DAG1: variants seen among roughly 807,000 people sequenced by gnomAD.
The protein encoded by DAG1 is dystroglycan 1.
In DAG1, 8 loss-of-function variants were observed where a neutral mutation model predicts 46.1. The ratio of observed to expected loss-of-function variants is 0.17; its 90% CI spans 0.10 to 0.31. DAG1 has a LOEUF of 0.31. Among genes scored for constraint, DAG1 ranks in the 10% least tolerant of loss-of-function variants. DAG1 has a pLI of 1.00. For synonymous variants in DAG1, 495 were observed against 481.8 expected (o/e 1.03, Z -0.36); for missense variants, 1,003 against 1,189.9 (o/e 0.84, Z 2.31).
chr3:49,522,123 G>A (rs1309935777), intron 2 of DAG1, among the ~76,000 whole-genome samples: 5 of 151,830 alleles, frequency 3.3e-5, no homozygotes, highest in Non-Finnish European at 1.5e-5. Flanking sequence ...TCCGCCTCCC[G>A]GGTTCAAGCA....
chr3:49,516,617 G>A (rs2050904412), intron 2 of DAG1, among the ~76,000 whole-genome samples: 4 of 152,160 alleles, frequency 2.6e-5, no homozygotes, highest in Admixed American at 1.3e-4. Context: ...TAATTATTGT[G>A]GTGTTCAAAT....
chr3:49,481,952 C>T (rs2049892491), intron 1 of DAG1, among the ~76,000 whole-genome samples: 1 of 152,016 alleles, frequency 6.6e-6, no homozygotes, highest in African/African-American at 2.4e-5. Flanking sequence ...TGGTTGCGTC[C>T]GTATGAAACA....
intron 1 of DAG1, among the ~76,000 whole-genome samples, chr3:49,505,076 C>G (rs930268877): frequency 6.6e-6 from 1 of 151,260 alleles, no homozygotes; most frequent in Admixed American, 6.6e-5. Context: ...GCTCACTGAG[C>G]CTTGACCTGC....
At chr3:49,490,080 G>A (rs1157067523) in intron 1 of DAG1, among the ~76,000 whole-genome samples, 4 of 152,090 alleles carry the variant, frequency 2.6e-5, no homozygotes, top group Non-Finnish European at 5.9e-5. Flanking sequence ...TTGGCTGGGC[G>A]CGGTGGCTTA....
At chr3:49,505,095 A>G (rs1419283804) in intron 1 of DAG1, among the ~76,000 whole-genome samples, 1 of 151,632 alleles carries the variant, frequency 6.6e-6, no homozygotes, top group African/African-American at 2.4e-5. Context: ...GCTGGGCTCA[A>G]GCGATCCTCC....
At chr3:49,514,710 C>T (rs1373344618) in intron 2 of DAG1, among the ~76,000 whole-genome samples, 1 of 151,958 alleles carries the variant, frequency 6.6e-6, no homozygotes, top group Non-Finnish European at 1.5e-5. Flanking sequence ...GTGATCTTGG[C>T]CTACTGCAAC....
chr3:49,474,592 C>G (rs575843813), intron 1 of DAG1, among the ~76,000 whole-genome samples: 7 of 152,074 alleles, frequency 4.6e-5, no homozygotes, highest in African/African-American at 1.7e-4. Context: ...GTGATCCACT[C>G]TCCTTGGCCT....
intron 1 of DAG1, among the ~76,000 whole-genome samples, chr3:49,474,447 G>C (rs1244741751): frequency 6.6e-6 from 1 of 152,188 alleles, no homozygotes; most frequent in African/African-American, 2.4e-5. Flanking sequence ...TTGGGTTCAA[G>C]TGATTCTCCT....
intron 1 of DAG1, among the ~76,000 whole-genome samples, chr3:49,497,576 T>C (rs1261974540): frequency 6.6e-6 from 1 of 151,948 alleles, no homozygotes; most frequent in East Asian, 1.9e-4. Flanking sequence ...TGTACCACTG[T>C]ACTCCACCCT....
chr3:49,502,638 C>CTT (rs66475946), intron 1 of DAG1, among the ~76,000 whole-genome samples: 5 of 112,674 alleles, frequency 4.4e-5, no homozygotes, highest in Non-Finnish European at 7.3e-5. Context: ...CTTTAACTTT[C>CTT]TTTTTTTTTT....
intron 1 of DAG1, among the ~76,000 whole-genome samples, chr3:49,493,460 A>C (rs2050238346): frequency 6.6e-6 from 1 of 152,206 alleles, no homozygotes; most frequent in Non-Finnish European, 1.5e-5. Flanking sequence ...AGATCACAGA[A>C]AAGAGATGGA....
At position 49,531,532 on chromosome 3, in the gene DAG1, A is replaced by C. The variant is rs1575411430; in HGVS notation, c.1021A>C (p.Thr341Pro). ...IQEPPSRIVP[T>P]PTSPAIAPPT... is the part of the protein sequence containing the mutation. Reference sequence around the variant, plus strand: ...GGAGCCCCCATCCAGGATCGTGCCAACCCCCACATCTCCAGCCATTGCTCC... The same window carrying C: ...GGAGCCCCCATCCAGGATCGTGCCACCCCCCACATCTCCAGCCATTGCTCC... Residue 341 changes from threonine to proline, a missense_variant, in exon 3 of 3, where the codon ACC becomes CCC. Physicochemically the swap from Thr to Pro is conservative, Grantham distance 38. This residue lies in a region of DAG1 where 755 missense variants were observed against 854.1 expected (regional missense o/e 0.88). Coordinates refer to ENST00000308775, the MANE Select transcript of DAG1 (RefSeq NM_004393.6). This position sits in a 1 kb window ranked among gnomAD's most constrained non-coding sequence, Gnocchi z 7.0. 1 of 1,609,710 alleles carries C rather than the reference A, an allele frequency of 6.2e-7. No individual in the cohort carries two copies. Among genetic ancestry groups the C allele is most frequent in the Non-Finnish European group, 8.5e-7 (1 of 1,176,906 alleles).
At position 49,474,201 on chromosome 3, in the gene DAG1, C is replaced by T. The variant is rs1052628027; in HGVS notation, c.-117+3768C>T. On this transcript the variant is annotated intron_variant, in intron 1 of 2. Coordinates refer to ENST00000308775, the MANE Select transcript of DAG1 (RefSeq NM_004393.6). ...TCCCGAGTAGCTGGGACTACAGGCG[C>T]ATGCCACCACACCCGGCTGATTTTT... Among the ~76,000 whole-genome samples, 26 of 151,896 alleles carry T rather than the reference C, an allele frequency of 1.7e-4. No individual in the cohort carries two copies. In the Middle Eastern group the frequency reaches 0.01, roughly 60 times the overall value.
chr3:49,521,067 T>C (rs954399346), intron 2 of DAG1, among the ~76,000 whole-genome samples: 15 of 152,200 alleles, frequency 9.9e-5, no homozygotes, highest in Non-Finnish European at 2.9e-5. Flanking sequence ...CCTCCAGCCA[T>C]TTGCTCTTTC....
intron 1 of DAG1, among the ~76,000 whole-genome samples, chr3:49,496,543 G>C (rs1442891271): frequency 6.6e-6 from 1 of 151,416 alleles, no homozygotes; most frequent in African/African-American, 2.4e-5. Flanking sequence ...TGTATTTTTA[G>C]TAGAGACAGG....
At chr3:49,496,524 A>AT (rs920073116) in intron 1 of DAG1, among the ~76,000 whole-genome samples, 4 of 149,744 alleles carry the variant, frequency 2.7e-5, no homozygotes, top group Admixed American at 6.6e-5. Flanking sequence ...CGCCTGGCTA[A>AT]TTTTTTTTTG....
At chr3:49,512,552 C>G (rs1005894112) in intron 2 of DAG1, among the ~76,000 whole-genome samples, 1 of 151,712 alleles carries the variant, frequency 6.6e-6, no homozygotes, top group South Asian at 2.1e-4. Context: ...CCACCATGCC[C>G]GGCTAATTTT....
intron 1 of DAG1, among the ~76,000 whole-genome samples, chr3:49,481,982 G>A (rs1186465790): frequency 6.6e-6 from 1 of 152,074 alleles, no homozygotes; most frequent in African/African-American, 2.4e-5. Flanking sequence ...TTTTATCATC[G>A]TCATCATTTC....
intron 2 of DAG1, among the ~76,000 whole-genome samples, chr3:49,526,671 C>T (rs1372700001): frequency 3.3e-5 from 5 of 152,124 alleles, no homozygotes; most frequent in African/African-American, 1.2e-4. Flanking sequence ...GAACTGAGAT[C>T]GTGCCACTGC....
Sources: allele counts gnomAD v4.1 joint callset (sites outside exome capture counted in the v4.1 genomes callset), GRCh38; gene constraint gnomAD v4.1.1; regional missense constraint gnomAD v4.1.1; non-coding constraint Gnocchi (gnomAD v3.1); transcripts MANE v1.5; gene names NCBI Gene and HGNC (gene_info 2026-07-23, HGNC 2026-07-21).